The following FBXW11 variants were observed in gnomAD, a reference collection of about 807,000 sequenced individuals.
The protein encoded by FBXW11 is F-box and WD repeat domain containing 11.
In FBXW11, 19 loss-of-function variants were observed where a neutral mutation model predicts 77.6. The observed-to-expected ratio is 0.24, with a 90% CI of 0.17 to 0.36. FBXW11 has a LOEUF of 0.36. Among genes scored for constraint, FBXW11 ranks in the 10% least tolerant of loss-of-function variants. The pLI is 1.00. For missense variants in FBXW11, 334 were observed against 704.2 expected, an observed-to-expected ratio of 0.47 and a Z score of 5.95; for synonymous variants, 235 against 249.4, an observed-to-expected ratio of 0.94 and a Z score of 0.54.
chr5:171,866,912 CAGA>C (rs1757436126), intron 13 of FBXW11, among the ~76,000 whole-genome samples: 1 of 152,116 alleles, frequency 6.6e-6, no homozygotes, highest in Non-Finnish European at 1.5e-5. Context: ...AGCAGCAGGG[CAGA>C]AGATTATGAT....
At chr5:171,928,794 C>T (rs906307077) in intron 2 of FBXW11, among the ~76,000 whole-genome samples, 1 of 152,176 alleles carries the variant, frequency 6.6e-6, no homozygotes, top group South Asian at 2.1e-4. Flanking sequence ...GAATTTGAGC[C>T]GGGCACAGTG....
rs1760368271 is a variant in FBXW11 at position 171,904,810 on chromosome 5, T to G, written c.437-4710A>C. Among the ~76,000 whole-genome samples, 1 of 152,056 alleles carries G rather than the reference T, an allele frequency of 6.6e-6. No individual in the cohort carries two copies. Among genetic ancestry groups the G allele is most frequent in the Non-Finnish European group, 1.5e-5 (1 of 68,010 alleles). On this transcript the variant is annotated intron_variant, in intron 4 of 13. Transcript: ENST00000517395. This position sits in a 1 kb window ranked among gnomAD's most constrained non-coding sequence, Gnocchi z 4.0. ...TGGTCTTGATCTCTTGACCTCATGATCCACCCAACTCGGCCTCCCAAAGTG... is the reference window on the plus strand; with the variant it reads ...TGGTCTTGATCTCTTGACCTCATGAGCCACCCAACTCGGCCTCCCAAAGTG...
At chr5:171,889,622 T>C (rs546863463) in intron 7 of FBXW11, among the ~76,000 whole-genome samples, 1 of 151,470 alleles carries the variant, frequency 6.6e-6, no homozygotes, top group Admixed American at 6.6e-5. Flanking sequence ...CATGGTGGTT[T>C]ACGCCTGTAA....
At chr5:171,886,898 C>T (rs1276987670) in intron 7 of FBXW11, among the ~76,000 whole-genome samples, 4 of 152,018 alleles carry the variant, frequency 2.6e-5, no homozygotes, top group Non-Finnish European at 4.4e-5. Context: ...ACCTGTAGTC[C>T]CAGCTACTCA....
At chr5:171,982,056 G>A (rs1765175779) in intron 1 of FBXW11, among the ~76,000 whole-genome samples, 1 of 152,054 alleles carries the variant, frequency 6.6e-6, no homozygotes, top group Non-Finnish European at 1.5e-5. Context: ...GAAGTTTTTT[G>A]GGGTGACGGA....
At chr5:171,906,228 T>C (rs1483704029) in intron 4 of FBXW11, among the ~76,000 whole-genome samples, 2 of 151,408 alleles carry the variant, frequency 1.3e-5, no homozygotes, top group African/African-American at 4.8e-5. Context: ...CCCACCCGTG[T>C]TATCCCTTCC....
At chr5:171,920,867 T>C (rs968952018) in intron 2 of FBXW11, among the ~76,000 whole-genome samples, 1 of 152,164 alleles carries the variant, frequency 6.6e-6, no homozygotes, top group African/African-American at 2.4e-5. Context: ...GGGAAACGAA[T>C]GCATTCTAGG....
intron 1 of FBXW11, among the ~76,000 whole-genome samples, chr5:172,004,794 A>G (rs1438009233): frequency 6.6e-6 from 1 of 152,138 alleles, no homozygotes; most frequent in Non-Finnish European, 1.5e-5. Context: ...ACACTTGACT[A>G]CAAGTATGAT....
intron 2 of FBXW11, among the ~76,000 whole-genome samples, chr5:171,933,276 C>A: frequency 6.6e-6 from 1 of 151,896 alleles, no homozygotes; most frequent in East Asian, 1.9e-4. Context: ...AAAGGCTACA[C>A]ACCGTGTGAT....
chr5:171,866,398 C>G (rs1048534737), intron 13 of FBXW11, among the ~76,000 whole-genome samples: 1 of 152,114 alleles, frequency 6.6e-6, no homozygotes, highest in Non-Finnish European at 1.5e-5. Context: ...ATACAGGGAA[C>G]CTCCAGCTTA....
intron 7 of FBXW11, among the ~76,000 whole-genome samples, chr5:171,882,313 A>C (rs1332980226): frequency 2.6e-5 from 4 of 152,140 alleles, no homozygotes; most frequent in Admixed American, 2.6e-4. Context: ...ACAGCGAAGG[A>C]GGAGGGAGAG....
chr5:171,888,870 C>T (rs1759099397), intron 7 of FBXW11, among the ~76,000 whole-genome samples: 1 of 151,984 alleles, frequency 6.6e-6, no homozygotes, highest in South Asian at 2.1e-4. Context: ...AAATATCATA[C>T]CTGAAATTAA....
intron 1 of FBXW11, among the ~76,000 whole-genome samples, chr5:171,994,798 G>A (rs904304783): frequency 1.3e-5 from 2 of 152,080 alleles, no homozygotes; most frequent in Non-Finnish European, 2.9e-5. Flanking sequence ...AACACTTCAG[G>A]AGGCCGAGTC....
chr5:171,943,817 T>C (rs1762867747), intron 2 of FBXW11, among the ~76,000 whole-genome samples: 1 of 152,188 alleles, frequency 6.6e-6, no homozygotes, highest in Middle Eastern at 3.4e-3. Context: ...GGGGAAAGAG[T>C]TGCCACTTGT....
At chr5:171,889,289 A>G (rs1006280063) in intron 7 of FBXW11, among the ~76,000 whole-genome samples, 1 of 152,194 alleles carries the variant, frequency 6.6e-6, no homozygotes, top group African/African-American at 2.4e-5. Context: ...GCACTTTGGG[A>G]GGCCAAGGTA....
intron 2 of FBXW11, among the ~76,000 whole-genome samples, chr5:171,917,091 T>C (rs945596291): frequency 6.6e-6 from 1 of 151,990 alleles, no homozygotes; most frequent in Non-Finnish European, 1.5e-5. Flanking sequence ...CAGCTAATTT[T>C]TGTATTTTTA....
Position 172,006,540 on chromosome 5 carries a change from G to C in FBXW11, c.-38C>G. On this transcript the variant is annotated 5_prime_UTR_variant, in exon 1 of 14. Transcript: ENST00000517395. ...GGCCCCGCCTCGCTCTCCCCGCGCA[G>C]CAGCGAACGGCCCGGGCGGAGGAGG... The C allele has an allele frequency of 6.7e-7, 1 of 1,485,808 alleles. No homozygotes were observed. Among genetic ancestry groups the C allele is most frequent in the Non-Finnish European group, 9.0e-7 (1 of 1,115,730 alleles). The allele number at this position is 1,485,808 out of a possible 1,614,324, so 92.0% of individuals were successfully genotyped here. A position where few individuals can be genotyped will look rare whatever the true frequency, so the allele number is the denominator to read the frequency against.
intron 2 of FBXW11, among the ~76,000 whole-genome samples, 185 bp downstream of exon 2, chr5:171,957,412 G>A (rs965856986): frequency 9.9e-5 from 15 of 152,148 alleles, no homozygotes; most frequent in East Asian, 7.7e-4. Context: ...CCAAAGACCC[G>A]TTTGCTCAAA....
chr5:171,959,857 A>AAAAAAG (rs1763810435), intron 1 of FBXW11, among the ~76,000 whole-genome samples: 2 of 130,930 alleles, frequency 1.5e-5, no homozygotes, highest in South Asian at 2.6e-4. Context: ...CAAAAAAAAA[A>AAAAAAG]AAAAGAAAAG....
Sources: allele counts gnomAD v4.1 joint callset (sites outside exome capture counted in the v4.1 genomes callset), GRCh38; gene constraint gnomAD v4.1.1; non-coding constraint Gnocchi (gnomAD v3.1); transcripts MANE v1.5; gene names NCBI Gene and HGNC (gene_info 2026-07-23, HGNC 2026-07-21).